CCDC30: variants seen among roughly 807,000 people sequenced by gnomAD.
CCDC30 encodes the protein coiled-coil domain-containing protein 30.
Under a neutral mutation model 100.2 loss-of-function variants are expected in CCDC30, and 70 were observed. That is an observed-to-expected ratio of 0.70 (90% CI 0.58 to 0.85). CCDC30 has a LOEUF of 0.85. Among genes scored for constraint, CCDC30 ranks in the 40% least tolerant of loss-of-function variants. The pLI, the probability that CCDC30 is intolerant of heterozygous loss-of-function variation, is 0.00. For synonymous variants in CCDC30, 233 were observed against 269.5 expected, an observed-to-expected ratio of 0.86 and a Z score of 1.33; for missense variants, 652 against 771.2, an observed-to-expected ratio of 0.85 and a Z score of 1.83.
chr1:42,465,728 T>C (rs926493107), intron 1 of CCDC30, among the ~76,000 whole-genome samples: 1 of 152,184 alleles, frequency 6.6e-6, no homozygotes, highest in Non-Finnish European at 1.5e-5. Flanking sequence ...CATTTGGCAA[T>C]GTACGTAAGC....
chr1:42,650,121 C>A (rs536639701), intron 15 of CCDC30, among the ~76,000 whole-genome samples: 9 of 152,108 alleles, frequency 5.9e-5, no homozygotes, highest in South Asian at 2.1e-4. Flanking sequence ...AACTACAAAA[C>A]CCCCAAATAG....
At chr1:42,484,815 A>G (rs1644023559) in intron 3 of CCDC30, among the ~76,000 whole-genome samples, 1 of 152,156 alleles carries the variant, frequency 6.6e-6, no homozygotes, top group African/African-American at 2.4e-5. Context: ...AAATTTTTTC[A>G]GTGATAATTT....
At chr1:42,465,645 G>A (rs1643553878) in intron 1 of CCDC30, among the ~76,000 whole-genome samples, 1 of 152,178 alleles carries the variant, frequency 6.6e-6, no homozygotes. Flanking sequence ...GATTACAAGT[G>A]TGAGCCACGG....
chr1:42,646,070 G>T, intron 14 of CCDC30, 65 bp from the exon 19 acceptor site: 1 of 1,500,066 alleles, frequency 6.7e-7, no homozygotes, highest in Non-Finnish European at 8.9e-7. Context: ...TGTGTCAAAG[G>T]TACTAACTTC....
chr1:42,470,796 TGGGGGTGAGGGGAATGAGAA>T (rs1643746356), intron 1 of CCDC30, among the ~76,000 whole-genome samples: 1 of 152,144 alleles, frequency 6.6e-6, no homozygotes, highest in East Asian at 1.9e-4. Context: ...TCCCAGGGCC[TGGGGGTGAGGGGAATGAGAA>T]GTTATTGTTT....
chr1:42,502,582 G>C (rs1004646944), intron 6 of CCDC30, among the ~76,000 whole-genome samples: 4 of 152,152 alleles, frequency 2.6e-5, no homozygotes, highest in Non-Finnish European at 5.9e-5. Context: ...GACTGGAGCT[G>C]TTCCTATTCG....
intron 8 of CCDC30, among the ~76,000 whole-genome samples, chr1:42,578,998 G>C (rs1010765640): frequency 6.6e-6 from 1 of 151,884 alleles, no homozygotes; most frequent in Admixed American, 6.6e-5. Flanking sequence ...AACTTTTTTT[G>C]TTTTTGTTTT....
rs1643985720 is a variant in CCDC30 at position 42,482,890 on chromosome 1, A to G, written c.169+74A>G. On this transcript the variant is annotated intron_variant, in intron 3 of 16. Coordinates refer to ENST00000668663, the Ensembl canonical transcript of CCDC30. ...TGATCTCATCTCAGGGTGGAACATGAGAAAAAAAAAAAACACTGAGAAACA... is the reference window on the plus strand; with the variant it reads ...TGATCTCATCTCAGGGTGGAACATGGGAAAAAAAAAAAACACTGAGAAACA... 3 of 953,052 alleles carry G rather than the reference A, an allele frequency of 3.1e-6. No homozygotes were observed. In the East Asian group the frequency reaches 1.0e-4, roughly 32 times the overall value. 59.0% of individuals were successfully genotyped at this position (953,052 alleles called of 1,614,324 possible).
At chr1:42,536,430 C>A in intron 6 of CCDC30, 46 bp from the exon 7 acceptor site, 2 of 1,181,092 alleles carry the variant, frequency 1.7e-6, no homozygotes, top group Non-Finnish European at 1.2e-6. Flanking sequence ...TTGTAGGAAA[C>A]ACTGCTATTA....
At chr1:42,501,822 T>C (rs1301070355) in intron 6 of CCDC30, among the ~76,000 whole-genome samples, 1 of 152,308 alleles carries the variant, frequency 6.6e-6, no homozygotes, top group East Asian at 1.9e-4. Flanking sequence ...GGAAGCTTTG[T>C]CTCAGAGGGG....
intron 6 of CCDC30, chr1:42,556,240 G>A (rs754504643): frequency 6.2e-7 from 1 of 1,614,070 alleles, no homozygotes. Context: ...GGCAGAAGGA[G>A]GAGGGCTCAC....
At chr1:42,473,107 A>C in intron 1 of CCDC30, 4 of 1,226,774 alleles carry the variant, frequency 3.3e-6, no homozygotes, top group Non-Finnish European at 4.1e-6. Flanking sequence ...ACATATGCTT[A>C]TTTCTTCTAT....
intron 6 of CCDC30, among the ~76,000 whole-genome samples, chr1:42,520,379 T>C (rs904704290): frequency 2.0e-5 from 3 of 151,754 alleles, no homozygotes; most frequent in African/African-American, 7.3e-5. Context: ...TTGCCCAGGT[T>C]GGAGTGCAGT....
intron 6 of CCDC30, among the ~76,000 whole-genome samples, chr1:42,542,485 A>G (rs1645030327): frequency 6.6e-6 from 1 of 151,208 alleles, no homozygotes; most frequent in Non-Finnish European, 1.5e-5. Flanking sequence ...TCAGCCTCCC[A>G]AGGAGCTGAG....
chr1:42,499,463 T>C (rs1346968531), intron 6 of CCDC30, among the ~76,000 whole-genome samples: 1 of 151,998 alleles, frequency 6.6e-6, no homozygotes, highest in Non-Finnish European at 1.5e-5. Flanking sequence ...CTTAAAAAAT[T>C]TATTTTATTT....
intron 6 of CCDC30, among the ~76,000 whole-genome samples, chr1:42,520,279 A>C (rs1644617561): frequency 6.7e-6 from 1 of 149,764 alleles, no homozygotes; most frequent in Admixed American, 6.7e-5. Context: ...TGTATCTGTA[A>C]GTTTTGGTGT....
intron 10 of CCDC30, chr1:42,589,852 T>C (rs1043389693): frequency 6.0e-6 from 1 of 165,370 alleles, no homozygotes; most frequent in African/African-American, 2.4e-5. Context: ...CATCTGCTAG[T>C]GCTAAAGAAC....
In CCDC30 at chr1:42,513,749, C is replaced by T. The variant is rs75831342; in HGVS notation, c.456+14833C>T. Among the ~76,000 whole-genome samples, 38 of 152,166 alleles carry T rather than the reference C, an allele frequency of 2.5e-4. 1 individual carries two copies. In the East Asian group the frequency reaches 6.0e-3, roughly 24 times the overall value. ...CCTATATCATTAGTGTATTTTATGT[C>T]GCTATAAAGGAGTACCCGAGGCTGG... On this transcript the variant is annotated intron_variant, in intron 6 of 16. Transcript: ENST00000668663.
chr1:42,456,891 G>T, the CCDC30 span: 1 of 1,612,558 alleles, frequency 6.2e-7, no homozygotes, highest in Non-Finnish European at 8.5e-7. Context: ...CGGCCTTCGG[G>T]CCCAGCCCTT....
Sources: gnomAD v4.1 joint callset for allele counts (sites outside exome capture counted in the v4.1 genomes callset) on GRCh38, gnomAD v4.1.1 for gene constraint, MANE v1.5 for transcripts, NCBI Gene and HGNC (gene_info 2026-07-23, HGNC 2026-07-21) for gene names.